Variants in INPP5F observed in about 807,000 individuals in gnomAD.
INPP5F encodes the protein inositol polyphosphate-5-phosphatase F, also known as phosphatidylinositide 4-phosphatase SAC2.
In INPP5F, 97 loss-of-function variants were observed where a neutral mutation model predicts 137.2. The ratio of observed to expected loss-of-function variants is 0.71; its 90% confidence interval spans 0.60 to 0.84. The LOEUF is 0.84. Among genes scored for constraint, INPP5F ranks in the 40% least tolerant of loss-of-function variants. The probability of loss-of-function intolerance (pLI) is 0.00; values close to 1 mark genes in which losing one functional copy is unlikely to be tolerated. For missense variants in INPP5F, 1,271 were observed against 1,371.9 expected (o/e 0.93, Z 1.16); for synonymous variants, 504 against 476.9 (o/e 1.06, Z -0.74).
intron 1 of INPP5F, among the ~76,000 whole-genome samples, chr10:119,750,848 A>G (rs966546035): frequency 2.0e-5 from 3 of 152,100 alleles, no homozygotes; most frequent in Non-Finnish European, 4.4e-5. Context: ...AGTTTTCTGA[A>G]TGTTACTGCT....
intron 1 of INPP5F, among the ~76,000 whole-genome samples, chr10:119,727,075 T>C (rs1321757587): frequency 6.6e-6 from 1 of 152,172 alleles, no homozygotes; most frequent in Non-Finnish European, 1.5e-5. Flanking sequence ...TTTAGGAAAA[T>C]GTGTGTGCAG....
intron 2 of INPP5F, among the ~76,000 whole-genome samples, chr10:119,772,544 A>G: frequency 6.6e-6 from 1 of 152,166 alleles, no homozygotes; most frequent in East Asian, 1.9e-4. Flanking sequence ...TTTTAATGGA[A>G]TCAAGCCTGT....
chr10:119,759,102 A>G (rs1487188188), intron 2 of INPP5F, among the ~76,000 whole-genome samples: 1 of 152,220 alleles, frequency 6.6e-6, no homozygotes, highest in Non-Finnish European at 1.5e-5. Flanking sequence ...AGGCTGGGTC[A>G]TGGGACAAGC....
intron 15 of INPP5F, among the ~76,000 whole-genome samples, chr10:119,812,624 G>A (rs1353298191): frequency 6.6e-6 from 1 of 152,084 alleles, no homozygotes; most frequent in East Asian, 1.9e-4. Context: ...CATAAAATGT[G>A]CTTGAAAGTA....
Position 119,726,091 on chromosome 10 carries a change from G to A in INPP5F, c.-172G>A. 2.6e-6 allele frequency: 1 copy of A among 378,760 alleles called. No homozygotes were observed. The highest frequency in any genetic ancestry group is 4.6e-6 in the Non-Finnish European group (1 of 215,260). 23.5% of individuals were successfully genotyped at this position (378,760 alleles called of 1,614,324 possible). A position where few individuals can be genotyped will look rare whatever the true frequency, so the allele number is the denominator to read the frequency against. On this transcript the variant is annotated 5_prime_UTR_variant, in exon 1 of 20. Coordinates refer to ENST00000650623, the MANE Select transcript of INPP5F (RefSeq NM_014937.4). ...CGCCGCTGCCGCCGCCGCTGCCGGG[G>A]CGCGTTCTCCTCCTACCGGTCGGGT...
intron 11 of INPP5F, 74 bp downstream of exon 11, chr10:119,805,535 T>G: frequency 9.9e-7 from 1 of 1,011,992 alleles, no homozygotes; most frequent in Non-Finnish European, 1.6e-6. Context: ...ATTAAACTGA[T>G]AGCAGCATGC....
intron 9 of INPP5F, among the ~76,000 whole-genome samples, chr10:119,801,771 A>G (rs1850603864): frequency 6.6e-6 from 1 of 152,172 alleles, no homozygotes; most frequent in Admixed American, 6.5e-5. Flanking sequence ...ATTAAAAAAT[A>G]AAAATACAAT....
chr10:119,789,939 CAG>C (rs1850077471), intron 3 of INPP5F, among the ~76,000 whole-genome samples: 1 of 150,494 alleles, frequency 6.6e-6, no homozygotes, highest in Admixed American at 6.7e-5. Context: ...GGGAGGGACT[CAG>C]ACGCTACTGA....
chr10:119,801,308 G>A (rs1356956942), intron 9 of INPP5F, among the ~76,000 whole-genome samples: 1 of 152,160 alleles, frequency 6.6e-6, no homozygotes, highest in Non-Finnish European at 1.5e-5. Context: ...ACAAAATTAG[G>A]TCATTTACAT....
intron 2 of INPP5F, among the ~76,000 whole-genome samples, chr10:119,769,300 ATATTT>A (rs1427994248): frequency 2.0e-5 from 3 of 152,000 alleles, no homozygotes; most frequent in Non-Finnish European, 4.4e-5. Context: ...AATTTTATTT[ATATTT>A]ATTTACTTTT....
chr10:119,788,573 G>C (rs953573631), intron 3 of INPP5F, among the ~76,000 whole-genome samples: 2 of 152,164 alleles, frequency 1.3e-5, no homozygotes, highest in Non-Finnish European at 2.9e-5. Context: ...TCCTTGACCT[G>C]CCCCAATCAG....
At chr10:119,737,973 C>T (rs1273119740) in intron 1 of INPP5F, among the ~76,000 whole-genome samples, 3 of 151,910 alleles carry the variant, frequency 2.0e-5, no homozygotes, top group African/African-American at 7.3e-5. Flanking sequence ...CAGGCTTGTT[C>T]TTGGGCTGAG....
At chr10:119,764,629 C>T (rs979961423) in intron 2 of INPP5F, among the ~76,000 whole-genome samples, 6 of 151,120 alleles carry the variant, frequency 4.0e-5, no homozygotes, top group East Asian at 1.9e-4. Context: ...TTGCCTAGGC[C>T]GGAGTGCAGT....
At chr10:119,795,238 G>T (rs867058479) in intron 6 of INPP5F, among the ~76,000 whole-genome samples, 1 of 151,098 alleles carries the variant, frequency 6.6e-6, no homozygotes, top group African/African-American at 2.4e-5. Flanking sequence ...TGGACGGGGC[G>T]GCTGGCCGGG....
chr10:119,813,489 G>A (rs1358144999), intron 15 of INPP5F, among the ~76,000 whole-genome samples: 1 of 152,088 alleles, frequency 6.6e-6, no homozygotes, highest in Non-Finnish European at 1.5e-5. Context: ...GCCTGGTATT[G>A]TGGTGCACAG....
intron 6 of INPP5F, among the ~76,000 whole-genome samples, chr10:119,795,882 C>T (rs1850359546): frequency 1.3e-5 from 2 of 152,236 alleles, no homozygotes; most frequent in Non-Finnish European, 2.9e-5. Flanking sequence ...TGGAGACCAG[C>T]CCGGCCAACA....
chr10:119,757,067 CTTTATTTA>C (rs10642582), intron 2 of INPP5F, among the ~76,000 whole-genome samples: 2 of 149,778 alleles, frequency 1.3e-5, no homozygotes, highest in African/African-American at 2.5e-5. Flanking sequence ...GATTTCTTTA[CTTTATTTA>C]TTTATTTATT....
In INPP5F at chr10:119,796,954, C is replaced by A. The variant is rs202163857; in HGVS notation, c.868+41C>A. 8 of 1,539,444 alleles carry A rather than the reference C, an allele frequency of 5.2e-6. No individual in the cohort carries two copies. The East Asian group carries it at 1.1e-4, about 22-fold the overall frequency. ...TAATAGCATTCAAATCAAATCCAGG[C>A]GAGAATGGAAAAGCTGCAGATGTGT... On this transcript the variant is annotated intron_variant, in intron 7 of 19. Coordinates refer to ENST00000650623, the MANE Select transcript of INPP5F (RefSeq NM_014937.4).
intron 2 of INPP5F, among the ~76,000 whole-genome samples, chr10:119,778,543 G>A (rs1037863867): frequency 4.6e-4 from 70 of 152,174 alleles, no homozygotes; most frequent in Middle Eastern, 3.4e-3. Flanking sequence ...GAAAGACTGG[G>A]TGTTTGCTTC....
Sources: gnomAD v4.1 joint callset for allele counts (sites outside exome capture counted in the v4.1 genomes callset) on GRCh38, gnomAD v4.1.1 for gene constraint, MANE v1.5 for transcripts, NCBI Gene and HGNC (gene_info 2026-07-23, HGNC 2026-07-21) for gene names.